Variants in RDX observed in about 807,000 individuals in gnomAD.
RDX encodes the protein deafness, autosomal recessive 24.
A neutral mutation model predicts 83.7 loss-of-function variants in RDX; 32 were observed. That is an observed-to-expected ratio of 0.38 (90% CI 0.29 to 0.51). RDX has a LOEUF of 0.51. Among genes scored for constraint, RDX ranks in the 20% least tolerant of loss-of-function variants. RDX has a pLI of 0.87. For missense variants in RDX, 600 were observed against 689.9 expected, an observed-to-expected ratio of 0.87 and a Z score of 1.46; for synonymous variants, 229 against 222.7, an observed-to-expected ratio of 1.03 and a Z score of -0.25.
At chr11:110,194,036 G>A (rs775110885) in intron 15 of RDX, among the ~76,000 whole-genome samples, 2 of 152,198 alleles carry the variant, frequency 1.3e-5, no homozygotes, top group African/African-American at 4.8e-5. Context: ...TGAAGGCAGC[G>A]GCCCACGCTG....
chr11:110,206,935 C>A (rs1390168248), intron 14 of RDX, among the ~76,000 whole-genome samples: 1 of 152,090 alleles, frequency 6.6e-6, no homozygotes, highest in East Asian at 1.9e-4. Context: ...CCCAAAACAG[C>A]AGCATCAGAC....
intron 1 of RDX, among the ~76,000 whole-genome samples, chr11:110,295,318 A>C (rs1326515680): frequency 6.6e-6 from 1 of 151,466 alleles, no homozygotes; most frequent in Non-Finnish European, 1.5e-5. Flanking sequence ...TAAAAAAAAA[A>C]AAAAAAAAAG....
rs140366611 is a variant in RDX, at chr11:110,217,497, C to A, written c.1748+14376G>T. Reference sequence around the variant, plus strand: ...CCAGAAGTCCTTAGCAGCTCCAGAACGTACACAAAGTACATCTTAACCTCT... The same window carrying A: ...CCAGAAGTCCTTAGCAGCTCCAGAAAGTACACAAAGTACATCTTAACCTCT... On this transcript the variant is annotated intron_variant, in intron 14 of 15. Coordinates refer to the RDX transcript ENST00000528498. Among the ~76,000 whole-genome samples, 277 of 152,302 alleles carry A rather than the reference C, an allele frequency of 1.8e-3. 2 individuals carry two copies. The highest frequency in any genetic ancestry group is 6.5e-3 in the African/African-American group (270 of 41,576).
At chr11:110,235,042 T>A (rs903066077) in intron 12 of RDX, among the ~76,000 whole-genome samples, 1 of 152,144 alleles carries the variant, frequency 6.6e-6, no homozygotes, top group African/African-American at 2.4e-5. Context: ...TTTCATCTAC[T>A]TAGGACTCAT....
chr11:110,201,177 CAAAAAAAA>C (rs34428422), intron 14 of RDX, among the ~76,000 whole-genome samples: 22 of 82,036 alleles, frequency 2.7e-4, no homozygotes, highest in African/African-American at 9.8e-4. Flanking sequence ...ACTCCCGTCT[CAAAAAAAA>C]AAAAAAAAAA....
At chr11:110,182,893 A>C (rs562393575) in intron 15 of RDX, among the ~76,000 whole-genome samples, 1 of 152,328 alleles carries the variant, frequency 6.6e-6, no homozygotes, top group Admixed American at 6.5e-5. Context: ...AAAATAAAAT[A>C]TCTATGTTAC....
intron 14 of RDX, among the ~76,000 whole-genome samples, chr11:110,224,176 TGAAA>T (rs1402392091): frequency 2.0e-5 from 3 of 151,650 alleles, no homozygotes; most frequent in Non-Finnish European, 2.9e-5. Flanking sequence ...CATAATGAGC[TGAAA>T]GAGTTATTTT....
chr11:110,220,973 A>G (rs933390814), intron 14 of RDX, among the ~76,000 whole-genome samples: 2 of 151,992 alleles, frequency 1.3e-5, no homozygotes, highest in African/African-American at 4.8e-5. Flanking sequence ...TAGGCTACAG[A>G]GTCTATATTT....
intron 1 of RDX, among the ~76,000 whole-genome samples, chr11:110,295,392 C>T (rs796198476): frequency 1.3e-5 from 2 of 151,186 alleles, no homozygotes; most frequent in African/African-American, 4.8e-5. Context: ...TCAAATAAAC[C>T]CTTATTATCT....
In RDX at chr11:110,209,465, C is replaced by A. The variant is rs528883879; in HGVS notation, c.1749-9787G>T. On this transcript the variant is annotated intron_variant, in intron 14 of 15. Transcript: ENST00000528498. ...TTAGGTAAACAAAGCAGCCGGGAAG[C>A]TCGAACTGGGTGGAGCCCACCACAG... Among the ~76,000 whole-genome samples, 950 of 152,330 alleles carry A rather than the reference C, an allele frequency of 6.2e-3. 5 individuals are homozygous for A. Among genetic ancestry groups the A allele is most frequent in the Non-Finnish European group, 0.011 (716 of 68,020 alleles).
At chr11:110,217,618 A>G (rs1392743210) in intron 14 of RDX, among the ~76,000 whole-genome samples, 6 of 152,192 alleles carry the variant, frequency 3.9e-5, no homozygotes, top group African/African-American at 1.4e-4. Context: ...TACAGCGGAT[A>G]CCGTTGGCTC....
At chr11:110,202,174 C>T (rs1159157203) in intron 14 of RDX, among the ~76,000 whole-genome samples, 1 of 151,966 alleles carries the variant, frequency 6.6e-6, no homozygotes, top group African/African-American at 2.4e-5. Flanking sequence ...AGGGGTTGAT[C>T]ACCTGAGGTC....
chr11:110,212,228 A>T (rs540118534), intron 14 of RDX, among the ~76,000 whole-genome samples: 55 of 152,304 alleles, frequency 3.6e-4, no homozygotes, highest in Non-Finnish European at 7.2e-4. Flanking sequence ...TAAAATAGAA[A>T]ATCTGGAAGA....
intron 14 of RDX, among the ~76,000 whole-genome samples, chr11:110,222,802 A>G (rs150743400): frequency 6.6e-5 from 10 of 152,184 alleles, no homozygotes; most frequent in East Asian, 1.9e-4. Flanking sequence ...TCCCAACTCA[A>G]ATAAATGAAT....
intron 15 of RDX, among the ~76,000 whole-genome samples, chr11:110,179,597 AC>A (rs1210823869): frequency 6.6e-6 from 1 of 152,094 alleles, no homozygotes; most frequent in Non-Finnish European, 1.5e-5. Flanking sequence ...ACATGGCAAA[AC>A]CCTGTCTCTA....
chr11:110,288,249 T>C (rs1861067040), intron 1 of RDX: 2 of 152,228 alleles, frequency 1.3e-5, no homozygotes, highest in Admixed American at 6.5e-5. Context: ...AACTGCAATA[T>C]TAACACCAAA....
intron 3 of RDX, among the ~76,000 whole-genome samples, chr11:110,269,971 G>A (rs1196208597): frequency 6.6e-6 from 1 of 152,092 alleles, no homozygotes; most frequent in Admixed American, 6.5e-5. Context: ...GAGCCTGGGA[G>A]GCAGAGGTTA....
At chr11:110,205,664 T>TA in intron 14 of RDX, among the ~76,000 whole-genome samples, 1 of 152,288 alleles carries the variant, frequency 6.6e-6, no homozygotes. Context: ...GTTATATTAG[T>TA]AATTAACAAA....
chr11:110,248,158 C>G (rs182058843), intron 9 of RDX, among the ~76,000 whole-genome samples: 2 of 152,042 alleles, frequency 1.3e-5, no homozygotes, highest in Admixed American at 1.3e-4. Flanking sequence ...GACAGGTGCA[C>G]TAAAATCTCA....
Sources: allele counts gnomAD v4.1 joint callset (sites outside exome capture counted in the v4.1 genomes callset), GRCh38; gene constraint gnomAD v4.1.1; transcripts MANE v1.5; gene names NCBI Gene and HGNC (gene_info 2026-07-23, HGNC 2026-07-21).